Variants in KCNMB2 observed in about 807,000 individuals in gnomAD.
KCNMB2 encodes the protein potassium calcium-activated channel subfamily M regulatory beta subunit 2.
In KCNMB2, 9 loss-of-function variants were observed where a neutral mutation model predicts 24.5. That is an observed-to-expected ratio of 0.37 (90% confidence interval 0.22 to 0.64). The LOEUF (loss-of-function observed/expected upper bound fraction) is 0.64. Ranked by LOEUF, KCNMB2 falls within the 30% of genes least tolerant of loss-of-function variation. The probability of loss-of-function intolerance (pLI) is 0.63; values close to 1 mark genes in which losing one functional copy is unlikely to be tolerated. For synonymous variants in KCNMB2, 109 were observed against 104.4 expected (o/e 1.04, Z -0.27); for missense variants, 226 against 284.3 (o/e 0.79, Z 1.47).
At chr3:178,610,769 T>C (rs1013342156) in intron 1 of KCNMB2, among the ~76,000 whole-genome samples, 6 of 152,192 alleles carry the variant, frequency 3.9e-5, no homozygotes, top group Non-Finnish European at 8.8e-5. Context: ...CTAGCTAGGA[T>C]CTCCAGTACT....
intron 1 of KCNMB2, among the ~76,000 whole-genome samples, chr3:178,727,980 GA>G (rs1723018642): frequency 6.6e-6 from 1 of 152,178 alleles, no homozygotes; most frequent in Admixed American, 6.6e-5. Context: ...AGTCAGTATT[GA>G]TTTCATATTC....
intron 1 of KCNMB2, among the ~76,000 whole-genome samples, chr3:178,585,862 T>C (rs1346706185): frequency 2.0e-5 from 3 of 152,234 alleles, no homozygotes; most frequent in Non-Finnish European, 4.4e-5. Flanking sequence ...ATCATTTATA[T>C]GATAATGTGA....
intron 1 of KCNMB2, among the ~76,000 whole-genome samples, chr3:178,705,726 A>C (rs1722257474): frequency 6.6e-6 from 1 of 152,198 alleles, no homozygotes; most frequent in Admixed American, 6.5e-5. Context: ...AATTATTGTT[A>C]TTCATTCCTA....
chr3:178,636,817 T>C (rs1362078241), intron 1 of KCNMB2, among the ~76,000 whole-genome samples: 1 of 133,218 alleles, frequency 7.5e-6, no homozygotes, highest in Non-Finnish European at 1.6e-5. Flanking sequence ...TGTGCCGTGG[T>C]GGTTTGCTGC....
At chr3:178,590,963 A>T (rs1011941061) in intron 1 of KCNMB2, among the ~76,000 whole-genome samples, 1 of 152,182 alleles carries the variant, frequency 6.6e-6, no homozygotes, top group Non-Finnish European at 1.5e-5. Flanking sequence ...TTTCATTTCA[A>T]TGTTTTTTAT....
At chr3:178,781,555 G>A (rs1712840942) in intron 1 of KCNMB2, among the ~76,000 whole-genome samples, 1 of 151,908 alleles carries the variant, frequency 6.6e-6, no homozygotes, top group Admixed American at 6.6e-5. Flanking sequence ...TTGTGCCACT[G>A]CACTCCAGCC....
chr3:178,670,426 G>A (rs1031609924), intron 1 of KCNMB2, among the ~76,000 whole-genome samples: 7 of 149,028 alleles, frequency 4.7e-5, no homozygotes, highest in Non-Finnish European at 8.9e-5. Context: ...GGAGACTCTA[G>A]AATGTCTGTT....
chr3:178,592,557 G>A (rs1159571714), intron 1 of KCNMB2, among the ~76,000 whole-genome samples: 1 of 152,100 alleles, frequency 6.6e-6, no homozygotes, highest in Non-Finnish European at 1.5e-5. Context: ...AGCCACAAAG[G>A]CTCTATGACA....
intron 1 of KCNMB2, among the ~76,000 whole-genome samples, chr3:178,598,302 G>T (rs1179628720): frequency 6.6e-6 from 1 of 152,054 alleles, no homozygotes; most frequent in Admixed American, 6.6e-5. Flanking sequence ...ACTTTTCTGC[G>T]ATGCAAATTA....
At chr3:178,611,470 C>T (rs1180361825) in intron 1 of KCNMB2, among the ~76,000 whole-genome samples, 8 of 152,026 alleles carry the variant, frequency 5.3e-5, no homozygotes, top group East Asian at 1.9e-4. Flanking sequence ...TTTAGGAGGC[C>T]GAAGCGGGCA....
intron 1 of KCNMB2, among the ~76,000 whole-genome samples, chr3:178,695,792 C>T (rs1273055286): frequency 6.6e-6 from 1 of 152,110 alleles, no homozygotes; most frequent in African/African-American, 2.4e-5. Context: ...TCTTCTGAGC[C>T]CTCCAAGTCT....
intron 1 of KCNMB2, among the ~76,000 whole-genome samples, chr3:178,701,996 G>A (rs899341145): frequency 3.3e-5 from 5 of 151,854 alleles, no homozygotes; most frequent in African/African-American, 7.3e-5. Flanking sequence ...CATTTATTGC[G>A]GCACTACTCA....
At chr3:178,828,053 T>C (rs1365774609) in intron 3 of KCNMB2, 125 bp from the exon 4 acceptor site, 31 of 730,966 alleles carry the variant, frequency 4.2e-5, no homozygotes, top group Non-Finnish European at 5.0e-5. Flanking sequence ...TTTACACAGA[T>C]AGATCATATT....
intron 1 of KCNMB2, among the ~76,000 whole-genome samples, chr3:178,549,167 T>C (rs1442496907): frequency 1.3e-5 from 2 of 152,202 alleles, no homozygotes; most frequent in African/African-American, 4.8e-5. Context: ...CCACTGAATA[T>C]ATAAATGAAT....
intron 2 of KCNMB2, 31 bp downstream of exon 2, chr3:178,807,496 A>G (rs761704836): frequency 1.3e-6 from 2 of 1,586,810 alleles, no homozygotes; most frequent in Admixed American, 3.3e-5. Context: ...GGCACTTTTC[A>G]GAAGCATTTA....
chr3:178,792,224 A>G (rs1713349768), intron 1 of KCNMB2, among the ~76,000 whole-genome samples: 1 of 152,230 alleles, frequency 6.6e-6, no homozygotes, highest in African/African-American at 2.4e-5. Context: ...AATAGAAATG[A>G]CTAAAAGTTT....
In KCNMB2 at chr3:178,638,400, C is replaced by T. The variant is rs531690993; in HGVS notation, c.-68+101689C>T. On this transcript the variant is annotated intron_variant, in intron 1 of 4. Coordinates refer to ENST00000452583, the MANE Select transcript of KCNMB2 (RefSeq NM_181361.3). ...TTCTTTATATTTTCCTGTTTTTATT[C>T]CCCTCTAGATTGCTTTCCCCATTAT... Among the ~76,000 whole-genome samples, 49 of 152,166 alleles carry T rather than the reference C, an allele frequency of 3.2e-4. No homozygotes were observed. The South Asian group carries it at 1.0e-2, about 31-fold the overall frequency.
At chr3:178,841,500 C>T (rs1560043072) in intron 4 of KCNMB2, 1 of 152,138 alleles carries the variant, frequency 6.6e-6, no homozygotes, top group Non-Finnish European at 1.5e-5. Context: ...AAGATACTAC[C>T]TGAGACTGGG....
chr3:178,639,524 G>A (rs1216339173), intron 1 of KCNMB2, among the ~76,000 whole-genome samples: 1 of 152,168 alleles, frequency 6.6e-6, no homozygotes, highest in Non-Finnish European at 1.5e-5. Flanking sequence ...CTACAAGATG[G>A]TTAAATAATA....
Sources: allele counts gnomAD v4.1 joint callset (sites outside exome capture counted in the v4.1 genomes callset), GRCh38; gene constraint gnomAD v4.1.1; transcripts MANE v1.5; gene names NCBI Gene and HGNC (gene_info 2026-07-23, HGNC 2026-07-21).